DHX32: variants seen among roughly 807,000 people sequenced by gnomAD.
The protein encoded by DHX32 is putative pre-mRNA-splicing factor ATP-dependent RNA helicase DHX32.
A neutral mutation model predicts 70.0 loss-of-function variants in DHX32; 51 were observed. The observed-to-expected ratio is 0.73, with a 90% confidence interval of 0.58 to 0.92. The LOEUF (loss-of-function observed/expected upper bound fraction) is 0.92. Ranked by LOEUF, DHX32 falls within the 40% of genes least tolerant of loss-of-function variation. The probability of loss-of-function intolerance (pLI) is 0.00; values close to 1 mark genes in which losing one functional copy is unlikely to be tolerated. For synonymous variants in DHX32, 310 were observed against 315.3 expected (o/e 0.98, Z 0.18); for missense variants, 762 against 891.8 (o/e 0.85, Z 1.85).
intron 2 of DHX32, among the ~76,000 whole-genome samples, chr10:125,863,184 T>C (rs954709433): frequency 7.2e-5 from 11 of 152,054 alleles, no homozygotes; most frequent in Admixed American, 3.3e-4. Flanking sequence ...TTTGACACTA[T>C]GAGTCACTTC....
chr10:125,845,524 C>T (rs1239789332), intron 6 of DHX32, among the ~76,000 whole-genome samples: 3 of 152,172 alleles, frequency 2.0e-5, no homozygotes, highest in East Asian at 1.9e-4. Flanking sequence ...TGTATTTTCA[C>T]GAGGATAGGG....
chr10:125,853,289 A>C, intron 4 of DHX32: 1 of 1,153,788 alleles, frequency 8.7e-7, no homozygotes, highest in Non-Finnish European at 1.2e-6. Flanking sequence ...GGAGGGATAA[A>C]ACATCTCGGC....
intron 1 of DHX32, among the ~76,000 whole-genome samples, chr10:125,894,834 G>T (rs1944420150): frequency 6.6e-6 from 1 of 152,298 alleles, no homozygotes; most frequent in African/African-American, 2.4e-5. Flanking sequence ...TGAATGAAAA[G>T]ACCGCTTTGT....
At chr10:125,889,143 T>C (rs4999903) in intron 1 of DHX32, among the ~76,000 whole-genome samples, 2,689 of 152,210 alleles carry the variant, frequency 0.018, 82 homozygotes, top group African/African-American at 0.061. Flanking sequence ...TGGAACCAAC[T>C]TATAACACTA....
chr10:125,852,558 CA>C lies in DHX32; in HGVS notation c.1176del (p.Gly393AlafsTer21). The C allele has an allele frequency of 6.2e-7, 1 of 1,613,496 alleles. No individual in the cohort carries two copies. Among genetic ancestry groups the C allele is most frequent in the Non-Finnish European group, 8.5e-7 (1 of 1,179,772 alleles). ...QSQAEIRKQI[L>X]GSSSSGKFFC... is the part of the protein sequence containing the mutation. The stretch of plus-strand genomic sequence containing the variant: ...ACAGCACTACCTGAAGAAGATGAGC[CA>C]AGAATCTGCTTGCGTATCTCTGCCT... On this transcript the variant is annotated frameshift_variant, in exon 5 of 11. Transcript: ENST00000284690. LOFTEE classifies it high-confidence loss of function.
intron 1 of DHX32, among the ~76,000 whole-genome samples, chr10:125,867,740 A>C (rs886857151): frequency 2.1e-5 from 3 of 146,130 alleles, no homozygotes; most frequent in Non-Finnish European, 4.5e-5. Context: ...CGTCTCAAAA[A>C]AAAAAAAAAA....
In DHX32 at chr10:125,860,919, A is replaced by AT. The variant is rs1386589072; in HGVS notation, c.477-945dup. ...AGGCGCCCGCCACCACGCCTGGCTA[A>AT]TTTTTTGTATTTTTAGTAGAGACAA... On this transcript the variant is annotated intron_variant, in intron 2 of 10. Coordinates refer to ENST00000284690, the MANE Select transcript of DHX32 (RefSeq NM_018180.3). Among the ~76,000 whole-genome samples, 9 of 151,530 alleles carry AT rather than the reference A, an allele frequency of 5.9e-5. No homozygotes were observed. The South Asian group carries it at 1.7e-3, about 28-fold the overall frequency.
chr10:125,864,319 AG>A (rs988135528), intron 2 of DHX32, among the ~76,000 whole-genome samples: 2 of 152,212 alleles, frequency 1.3e-5, no homozygotes, highest in Non-Finnish European at 2.9e-5. Flanking sequence ...CAGCCCAGCA[AG>A]GGCAGAAAGA....
chr10:125,865,216 G>T (rs186724263), intron 2 of DHX32, among the ~76,000 whole-genome samples: 1 of 152,102 alleles, frequency 6.6e-6, no homozygotes, highest in African/African-American at 2.4e-5. Flanking sequence ...CCCTTTCAGG[G>T]TCCTATGTCT....
At chr10:125,871,453 T>C (rs1277700980) in intron 1 of DHX32, among the ~76,000 whole-genome samples, 1 of 152,234 alleles carries the variant, frequency 6.6e-6, no homozygotes, top group African/African-American at 2.4e-5. Flanking sequence ...ATACTGCACG[T>C]ACTCAACTGT....
At position 125,836,582 on chromosome 10, in the gene DHX32, C is replaced by A. The variant is rs1034481427; in HGVS notation, c.*105G>T. On this transcript the variant is annotated 3_prime_UTR_variant, in exon 11 of 11. Transcript: ENST00000284690. ...ACAGTGTTATTTTCTTCAAGACCGT[C>A]CTGTGGATGTGAAATCCGTCTTCGC... 1.1e-5 allele frequency: 16 copies of A among 1,434,674 alleles called. No homozygotes were observed. Among genetic ancestry groups the A allele is most frequent in the Non-Finnish European group, 1.3e-5 (14 of 1,071,614 alleles). 88.9% of individuals were successfully genotyped at this position (1,434,674 alleles called of 1,614,324 possible).
chr10:125,858,971 AT>A (rs1944165272), intron 3 of DHX32, among the ~76,000 whole-genome samples: 1 of 150,980 alleles, frequency 6.6e-6, no homozygotes, highest in Non-Finnish European at 1.5e-5. Context: ...TTGATTGCAC[AT>A]TTCCAGTCAT....
At chr10:125,868,782 T>C (rs1944238566) in intron 1 of DHX32, among the ~76,000 whole-genome samples, 1 of 152,158 alleles carries the variant, frequency 6.6e-6, no homozygotes, top group East Asian at 1.9e-4. Flanking sequence ...GTAAAATGAA[T>C]AGACTGAATG....
At chr10:125,876,931 C>T (rs990983096) in intron 1 of DHX32, among the ~76,000 whole-genome samples, 5 of 152,052 alleles carry the variant, frequency 3.3e-5, no homozygotes, top group Admixed American at 2.6e-4. Flanking sequence ...TATGTTACGG[C>T]TACACACTGT....
intron 4 of DHX32, chr10:125,853,345 A>G: frequency 1.6e-6 from 1 of 610,460 alleles, no homozygotes; most frequent in African/African-American, 1.9e-5. Flanking sequence ...TTCGTTTGAG[A>G]TCTCAAATGT....
At chr10:125,865,647 A>G (rs1256578078) in intron 2 of DHX32, among the ~76,000 whole-genome samples, 1 of 152,172 alleles carries the variant, frequency 6.6e-6, no homozygotes, top group East Asian at 1.9e-4. Flanking sequence ...TTTCCGCTTC[A>G]GCCTCCTGAG....
Position 125,843,942 on chromosome 10 carries a change from G to T in DHX32, c.1352-2008C>A, listed in dbSNP as rs114648171. ...ATCCTTACCTTGGGGCAAATATGTT[G>T]AATTTCCCTATTCTGAATGTTTTCC... On this transcript the variant is annotated intron_variant, in intron 6 of 10. Coordinates refer to ENST00000284690, the MANE Select transcript of DHX32 (RefSeq NM_018180.3). 1.0e-3 allele frequency among the ~76,000 whole-genome samples: 156 copies of T among 152,280 alleles called. 1 individual carries two copies. The highest frequency in any genetic ancestry group is 3.6e-3 in the African/African-American group (150 of 41,572).
At chr10:125,870,853 AAAAT>A (rs1052655850) in intron 1 of DHX32, among the ~76,000 whole-genome samples, 7 of 152,132 alleles carry the variant, frequency 4.6e-5, no homozygotes, top group South Asian at 2.1e-4. Context: ...ATAAAAAATA[AAAAT>A]AAATAAATAA....
At position 125,858,326 on chromosome 10, in the gene DHX32, G is replaced by A. The variant is rs565164155; in HGVS notation, c.849+1277C>T. On this transcript the variant is annotated intron_variant, in intron 3 of 10. Coordinates refer to ENST00000284690, the MANE Select transcript of DHX32 (RefSeq NM_018180.3). ...CTGTTTTCATAAATCCTATGTCTCC[G>A]TAATCATTTTATTATTTTCCTCAGG... Among the ~76,000 whole-genome samples, 8 of 152,188 alleles carry A rather than the reference G, an allele frequency of 5.3e-5. No individual in the cohort carries two copies. The South Asian group carries it at 1.5e-3, about 28-fold the overall frequency.
Sources: gnomAD v4.1 joint callset for allele counts (sites outside exome capture counted in the v4.1 genomes callset) on GRCh38, gnomAD v4.1.1 for gene constraint, MANE v1.5 for transcripts, NCBI Gene and HGNC (gene_info 2026-07-23, HGNC 2026-07-21) for gene names.